RAD51B: variants seen among roughly 807,000 people sequenced by gnomAD.
RAD51B encodes the protein RAD51 paralog B, also known as DNA repair protein RAD51 homolog 2.
A neutral mutation model predicts 42.2 loss-of-function variants in RAD51B; 38 were observed. The ratio of observed to expected loss-of-function variants is 0.90; its 90% CI spans 0.70 to 1.18. RAD51B has a LOEUF of 1.18. RAD51B is among the 50% of genes most tolerant of loss of function. The pLI is 0.00. For missense variants in RAD51B, 373 were observed against 400.7 expected (o/e 0.93, Z 0.59); for synonymous variants, 154 against 145.2 (o/e 1.06, Z -0.43).
intron 7 of RAD51B, among the ~76,000 whole-genome samples, chr14:68,241,612 C>G (rs1192837080): frequency 6.6e-6 from 1 of 152,070 alleles, no homozygotes; most frequent in African/African-American, 2.4e-5. Flanking sequence ...ATCATTTTGG[C>G]TAAGTCTAAT....
At position 68,292,491 on chromosome 14, in the gene RAD51B, A is replaced by C. The variant is rs925335958; in HGVS notation, c.853+511A>C. ...CCTGCTAGCAAAGGTCAGGCTGGCTATGGTTTCGATGGCAATAAGCTTTAC... is the reference window on the plus strand; with the variant it reads ...CCTGCTAGCAAAGGTCAGGCTGGCTCTGGTTTCGATGGCAATAAGCTTTAC... On this transcript the variant is annotated intron_variant, in intron 8 of 10. Coordinates refer to ENST00000471583, the MANE Select transcript of RAD51B (RefSeq NM_133510.4). 3.3e-5 allele frequency among the ~76,000 whole-genome samples: 5 copies of C among 152,178 alleles called. No homozygotes were observed. The East Asian group carries it at 9.6e-4, about 29-fold the overall frequency.
chr14:68,061,256 A>G (rs952090054), intron 7 of RAD51B, among the ~76,000 whole-genome samples: 4 of 151,618 alleles, frequency 2.6e-5, no homozygotes, highest in Non-Finnish European at 5.9e-5. Flanking sequence ...TTTAGTATAG[A>G]TGGGGTTTCA....
At chr14:68,352,250 T>C (rs1320110762) in intron 8 of RAD51B, among the ~76,000 whole-genome samples, 1 of 152,242 alleles carries the variant, frequency 6.6e-6, no homozygotes, top group Non-Finnish European at 1.5e-5. Flanking sequence ...TAACGAGGGC[T>C]TAAACAACGT....
chr14:68,608,064 G>A (rs1194634255), intron 10 of RAD51B, among the ~76,000 whole-genome samples: 2 of 152,228 alleles, frequency 1.3e-5, no homozygotes, highest in Non-Finnish European at 2.9e-5. Context: ...GGACACCTAG[G>A]TCTGCTGAGG....
At chr14:68,434,352 CAGA>C (rs2085092536) in intron 9 of RAD51B, among the ~76,000 whole-genome samples, 1 of 152,156 alleles carries the variant, frequency 6.6e-6, no homozygotes, top group African/African-American at 2.4e-5. Context: ...GTGGAGTCTA[CAGA>C]AGCAGGCAGG....
At chr14:67,954,508 A>G (rs1251071928) in intron 7 of RAD51B, among the ~76,000 whole-genome samples, 1 of 152,216 alleles carries the variant, frequency 6.6e-6, no homozygotes, top group East Asian at 1.9e-4. Flanking sequence ...TCCAGAGGAG[A>G]AGACAGATGA....
At chr14:68,237,372 A>C (rs1263899603) in intron 7 of RAD51B, among the ~76,000 whole-genome samples, 1 of 152,238 alleles carries the variant, frequency 6.6e-6, no homozygotes, top group Non-Finnish European at 1.5e-5. Context: ...GGGCCTAGCA[A>C]TGTACTAGAA....
chr14:68,153,310 T>A (rs895879502), intron 7 of RAD51B, among the ~76,000 whole-genome samples: 1 of 152,190 alleles, frequency 6.6e-6, no homozygotes, highest in Non-Finnish European at 1.5e-5. Flanking sequence ...ATATAATAAA[T>A]AAATTTGAAT....
intron 7 of RAD51B, among the ~76,000 whole-genome samples, chr14:67,929,661 T>G (rs1291842716): frequency 6.6e-6 from 1 of 152,220 alleles, no homozygotes; most frequent in Non-Finnish European, 1.5e-5. Context: ...TCTTAAATGC[T>G]GAGATTGGGA....
chr14:68,228,232 T>A (rs1378915212), intron 7 of RAD51B, among the ~76,000 whole-genome samples: 1 of 152,162 alleles, frequency 6.6e-6, no homozygotes. Flanking sequence ...GGACAAGGCA[T>A]CTTACCTCTA....
At chr14:68,466,565 C>G (rs1463166157) in intron 9 of RAD51B, among the ~76,000 whole-genome samples, 1 of 152,212 alleles carries the variant, frequency 6.6e-6, no homozygotes, top group Non-Finnish European at 1.5e-5. Flanking sequence ...ACCCAGCTTC[C>G]CTCTCTCATG....
At chr14:68,486,610 C>T (rs748133357) in intron 10 of RAD51B, among the ~76,000 whole-genome samples, 2 of 152,174 alleles carry the variant, frequency 1.3e-5, no homozygotes, top group African/African-American at 2.4e-5. Flanking sequence ...GGTGAAAAGC[C>T]GGAGGAAAGC....
chr14:67,825,654 A>G (rs1490140066), intron 3 of RAD51B, 77 bp downstream of exon 3: 11 of 1,080,854 alleles, frequency 1.0e-5, no homozygotes, highest in Non-Finnish European at 1.3e-5. Context: ...GGGATGAGGC[A>G]CATGCAGAAA....
intron 11 of RAD51B, among the ~76,000 whole-genome samples, chr14:68,668,815 AG>A: frequency 6.6e-6 from 1 of 152,358 alleles, no homozygotes; most frequent in Admixed American, 6.5e-5. Context: ...GTGACAAGTC[AG>A]GGGCAGCATC....
intron 7 of RAD51B, among the ~76,000 whole-genome samples, chr14:68,066,934 T>C (rs930029533): frequency 8.5e-5 from 13 of 152,158 alleles, no homozygotes; most frequent in African/African-American, 3.1e-4. Flanking sequence ...AATTTTTTTC[T>C]AGCAGCACAT....
intron 4 of RAD51B, 56 bp downstream of exon 4, chr14:67,835,252 G>T: frequency 8.0e-7 from 1 of 1,251,368 alleles, no homozygotes; most frequent in South Asian, 1.3e-5. Context: ...TCAGAGCTAG[G>T]GAAAAAGTTT....
intron 7 of RAD51B, among the ~76,000 whole-genome samples, chr14:68,045,260 A>AG (rs2076282882): frequency 6.6e-6 from 1 of 150,696 alleles, no homozygotes; most frequent in Non-Finnish European, 1.5e-5. Flanking sequence ...AAAAAAAAAA[A>AG]AAAGAAAAGA....
At chr14:67,885,036 C>T (rs929174129) in intron 5 of RAD51B, among the ~76,000 whole-genome samples, 9 of 152,094 alleles carry the variant, frequency 5.9e-5, no homozygotes, top group African/African-American at 2.2e-4. Context: ...AGTTTACAGC[C>T]TCTCCTCCCA....
chr14:67,936,142 C>CT (rs932103495), intron 7 of RAD51B, among the ~76,000 whole-genome samples: 3 of 152,016 alleles, frequency 2.0e-5, no homozygotes, highest in South Asian at 2.1e-4. Context: ...ATATAGGGTT[C>CT]TTTTTTTAGC....
Sources: gnomAD v4.1 joint callset for allele counts (sites outside exome capture counted in the v4.1 genomes callset) on GRCh38, gnomAD v4.1.1 for gene constraint, MANE v1.5 for transcripts, NCBI Gene and HGNC (gene_info 2026-07-23, HGNC 2026-07-21) for gene names.